The following LIMD1 variants were observed in gnomAD, a reference collection of about 807,000 sequenced individuals.
LIMD1 encodes the protein LIM domain containing 1.
LIMD1 carries 23 observed loss-of-function variants against 58.4 expected under a neutral mutation model. That is an observed-to-expected ratio of 0.39 (90% CI 0.28 to 0.56). The LOEUF is 0.56. LIMD1 is among the 20% of genes least tolerant of loss of function. LIMD1 has a pLI of 0.57. For synonymous variants in LIMD1, 334 were observed against 345.5 expected, an observed-to-expected ratio of 0.97 and a Z score of 0.37; for missense variants, 838 against 855.5, an observed-to-expected ratio of 0.98 and a Z score of 0.25.
At chr3:45,630,984 A>G (rs1371588790) in intron 1 of LIMD1, among the ~76,000 whole-genome samples, 7 of 152,136 alleles carry the variant, frequency 4.6e-5, no homozygotes, top group Admixed American at 4.6e-4. Context: ...CGGGCGGATC[A>G]CCTGAGGTCA....
At chr3:45,625,558 C>A (rs1387413577) in intron 1 of LIMD1, among the ~76,000 whole-genome samples, 2 of 152,064 alleles carry the variant, frequency 1.3e-5, no homozygotes, top group Non-Finnish European at 2.9e-5. Flanking sequence ...ATATGCCCCC[C>A]ACAGTTCAAG....
At chr3:45,597,067 A>G (rs540907860) in intron 1 of LIMD1, among the ~76,000 whole-genome samples, 32 of 151,558 alleles carry the variant, frequency 2.1e-4, no homozygotes, top group African/African-American at 7.5e-4. Flanking sequence ...TCACTGCGCT[A>G]GCCAGGATGT....
At chr3:45,619,682 C>G (rs1212286901) in intron 1 of LIMD1, among the ~76,000 whole-genome samples, 2 of 151,950 alleles carry the variant, frequency 1.3e-5, no homozygotes, top group Non-Finnish European at 2.9e-5. Flanking sequence ...ACCTGTAATC[C>G]CAACTACTCG....
At chr3:45,654,828 A>AAAAAAAG (rs1258367134) in intron 2 of LIMD1, among the ~76,000 whole-genome samples, 1 of 147,336 alleles carries the variant, frequency 6.8e-6, no homozygotes, top group Non-Finnish European at 1.5e-5. Context: ...AAAAAAAAAA[A>AAAAAAAG]AAAAAAGAAA....
intron 1 of LIMD1, among the ~76,000 whole-genome samples, chr3:45,619,130 T>C (rs771764925): frequency 1.3e-5 from 2 of 152,220 alleles, no homozygotes; most frequent in African/African-American, 2.4e-5. Context: ...TCTAAACTGA[T>C]TACCAGTTGT....
At chr3:45,676,357 A>G (rs1055364921) in intron 7 of LIMD1, among the ~76,000 whole-genome samples, 36 of 149,670 alleles carry the variant, frequency 2.4e-4, no homozygotes, top group African/African-American at 5.0e-4. Context: ...AAAAAAAAAA[A>G]GGGATACGTG....
chr3:45,670,808 C>T (rs1697578026), intron 4 of LIMD1, among the ~76,000 whole-genome samples: 1 of 152,172 alleles, frequency 6.6e-6, no homozygotes, highest in Non-Finnish European at 1.5e-5. Flanking sequence ...TTCAGGTCTT[C>T]CCTAGGACTT....
chr3:45,597,503 A>C (rs114388178), intron 1 of LIMD1, among the ~76,000 whole-genome samples: 2,170 of 152,322 alleles, frequency 0.014, 46 homozygotes, highest in African/African-American at 0.05. Flanking sequence ...GCTAGCTTCA[A>C]CTTTTTTTCT....
chr3:45,657,378 C>T (rs1384847848), intron 2 of LIMD1, among the ~76,000 whole-genome samples: 9 of 151,934 alleles, frequency 5.9e-5, no homozygotes, highest in South Asian at 4.1e-4. Flanking sequence ...TTCCCTTTTC[C>T]GGCCAGATAT....
chr3:45,681,195 A>G lies in LIMD1; in HGVS notation c.*4136A>G, dbSNP rs904988714. The G allele has an allele frequency of 3.3e-5, 5 of 152,214 alleles. No homozygotes were observed. The highest frequency in any genetic ancestry group is 7.3e-5 in the Non-Finnish European group (5 of 68,036). The allele number at this position is 152,214 out of a possible 1,614,324, so 9.4% of individuals were successfully genotyped here. On this transcript the variant is annotated 3_prime_UTR_variant, in exon 8 of 8. Coordinates refer to ENST00000273317, the MANE Select transcript of LIMD1 (RefSeq NM_014240.3). ...TGATTCAGAATTTTACTGTTACTAT[A>G]AAATTATGCAAAGTATTGTGACAAA...
At chr3:45,661,310 G>C (rs541109782) in intron 2 of LIMD1, among the ~76,000 whole-genome samples, 1 of 152,186 alleles carries the variant, frequency 6.6e-6, no homozygotes, top group East Asian at 1.9e-4. Context: ...ACATAATTTT[G>C]TCATCATATA....
chr3:45,606,642 C>T (rs1475530176), intron 1 of LIMD1, among the ~76,000 whole-genome samples: 1 of 152,208 alleles, frequency 6.6e-6, no homozygotes, highest in Admixed American at 6.5e-5. Context: ...GGACCATGTC[C>T]TCAGGGGTGC....
intron 1 of LIMD1, among the ~76,000 whole-genome samples, chr3:45,621,970 G>A (rs1171556032): frequency 6.6e-6 from 1 of 151,870 alleles, no homozygotes; most frequent in Non-Finnish European, 1.5e-5. Flanking sequence ...GGCTGAGGCA[G>A]GAGAATCACT....
rs566847444 is a variant in LIMD1, at chr3:45,659,119, A to G, written c.1511-6531A>G. 2.0e-5 allele frequency among the ~76,000 whole-genome samples: 3 copies of G among 152,300 alleles called. No individual in the cohort carries two copies. The South Asian group carries it at 6.2e-4, about 32-fold the overall frequency. Reference sequence around the variant, plus strand: ...TCTCTCTAATACCATCTGTCACTGTACCTAATACTAGAAAGAAAATTTAAA... The same window carrying G: ...TCTCTCTAATACCATCTGTCACTGTGCCTAATACTAGAAAGAAAATTTAAA... On this transcript the variant is annotated intron_variant, in intron 2 of 7. Transcript: ENST00000273317.
chr3:45,594,795 A>ACACACACACACACACACACACACACCC lies in LIMD1; in HGVS notation c.-60_-59insCCCACACACACACACACACACACACAC, dbSNP rs1559510549. On this transcript the variant is annotated 5_prime_UTR_variant, in exon 1 of 8. Coordinates refer to ENST00000273317, the MANE Select transcript of LIMD1 (RefSeq NM_014240.3). Reference sequence around the variant, plus strand: ...CTGCCCTCAACACACACACACACACACACACACACACACACACACACACAC... The same window carrying ACACACACACACACACACACACACACCC: ...CTGCCCTCAACACACACACACACACACACACACACACACACACACACACACCCCACACACACACACACACACACACAC... 3 of 113,324 alleles carry ACACACACACACACACACACACACACCC rather than the reference A, an allele frequency of 2.6e-5. No homozygotes were observed. The highest frequency in any genetic ancestry group is 3.7e-4 in the East Asian group (1 of 2,738). 7.0% of individuals were successfully genotyped at this position (113,324 alleles called of 1,614,324 possible). A position where few individuals can be genotyped will look rare whatever the true frequency, so the allele number is the denominator to read the frequency against.
Position 45,595,546 on chromosome 3 carries a change from G to A in LIMD1, c.667G>A (p.Gly223Arg), listed in dbSNP as rs373048318. The A allele has an allele frequency of 3.5e-5, 56 of 1,614,062 alleles. No homozygotes were observed. Among genetic ancestry groups the A allele is most frequent in the Middle Eastern group, 3.3e-4 (2 of 6,062 alleles). The change falls in exon 1 of 8, where the codon GGG becomes AGG. Residue 223 changes from glycine (G) to arginine (R), a missense_variant. Physicochemically the swap from Gly to Arg is moderately radical, Grantham distance 125 (BLOSUM62 -2). Around this residue, in one of 3 missense-constraint regions of LIMD1, gnomAD observed 659 missense variants for 639.8 expected, o/e 1.03. Transcript: ENST00000273317. Reference protein sequence around the residue: ...GSDPPLPKPCGDHPLNHRQLS... With the variant: ...GSDPPLPKPCRDHPLNHRQLS... ...TGACCCACCACTGCCCAAACCCTGC[G>A]GGGACCATCCCCTAAATCACCGACA...
At chr3:45,674,248 C>G in intron 6 of LIMD1, 95 bp from the exon 7 acceptor site, 1 of 862,444 alleles carries the variant, frequency 1.2e-6, no homozygotes, top group Non-Finnish European at 1.9e-6. Context: ...TTGTTACCCC[C>G]AAAACCCTCT....
chr3:45,598,646 C>A (rs958756484), intron 1 of LIMD1, among the ~76,000 whole-genome samples: 1 of 152,152 alleles, frequency 6.6e-6, no homozygotes, highest in Non-Finnish European at 1.5e-5. Context: ...AGTAAATAAG[C>A]AAGTACTAGG....
At chr3:45,617,352 A>G (rs1274526802) in intron 1 of LIMD1, among the ~76,000 whole-genome samples, 2 of 152,182 alleles carry the variant, frequency 1.3e-5, no homozygotes, top group South Asian at 4.1e-4. Flanking sequence ...AGTCCAAGAT[A>G]GTCTTAAAAA....
Sources: allele counts gnomAD v4.1 joint callset (sites outside exome capture counted in the v4.1 genomes callset), GRCh38; gene constraint gnomAD v4.1.1; regional missense constraint gnomAD v4.1.1; transcripts MANE v1.5; gene names NCBI Gene and HGNC (gene_info 2026-07-23, HGNC 2026-07-21).